THRAP3: variants seen among roughly 807,000 people sequenced by gnomAD.
THRAP3 encodes the protein thyroid hormone receptor-associated protein 3.
THRAP3 carries 16 observed loss-of-function variants against 101.0 expected under a neutral mutation model. The ratio of observed to expected loss-of-function variants is 0.16; its 90% CI spans 0.11 to 0.24. THRAP3 has a LOEUF of 0.24. THRAP3 is among the 10% of genes least tolerant of loss of function. The pLI is 1.00. For missense variants in THRAP3, 989 were observed against 1,202.7 expected, an observed-to-expected ratio of 0.82 and a Z score of 2.63; for synonymous variants, 407 against 422.6, an observed-to-expected ratio of 0.96 and a Z score of 0.45.
chr1:36,239,622 G>T (rs984363803), intron 1 of THRAP3, among the ~76,000 whole-genome samples: 11 of 152,140 alleles, frequency 7.2e-5, no homozygotes, highest in African/African-American at 2.4e-4. Flanking sequence ...CTGGTTCTGG[G>T]TAGGTTAATC....
chr1:36,259,404 T>C lies in THRAP3; in HGVS notation c.-112T>C. ...CAGAAGTGTATGCTGACTTGTAAAG[T>C]GAAGAAGCCAGTGGTGCTGCGGGTG... On this transcript the variant is annotated 5_prime_UTR_variant, in exon 2 of 12. Coordinates refer to ENST00000354618, the MANE Select transcript of THRAP3 (RefSeq NM_005119.4). The C allele has an allele frequency of 2.5e-6, 1 of 398,634 alleles. No individual in the cohort carries two copies. The highest frequency in any genetic ancestry group is 4.4e-6 in the Non-Finnish European group (1 of 226,062). 24.7% of individuals were successfully genotyped at this position (398,634 alleles called of 1,614,324 possible).
intron 3 of THRAP3, among the ~76,000 whole-genome samples, chr1:36,285,327 A>G (rs915042219): frequency 7.9e-5 from 12 of 152,232 alleles, no homozygotes; most frequent in Admixed American, 2.0e-4. Flanking sequence ...GTTAATGTCA[A>G]TGATCTATAT....
At chr1:36,256,195 ATTATTATTATTATTG>A (rs1019556413) in intron 1 of THRAP3, among the ~76,000 whole-genome samples, 1 of 114,104 alleles carries the variant, frequency 8.8e-6, no homozygotes, top group Non-Finnish European at 2.0e-5. Context: ...CTGGATTATT[ATTATTATTATTATTG>A]TTATTATTGT....
chr1:36,225,123 T>A (rs568883009), intron 1 of THRAP3: 1 of 152,382 alleles, frequency 6.6e-6, no homozygotes, highest in African/African-American at 2.4e-5. Context: ...TTGCTTCTCT[T>A]AGCACCTAAG....
In THRAP3 at chr1:36,293,740, CG is replaced by C. The variant is rs1185438749; in HGVS notation, c.2031-110del. 4.4e-5 allele frequency: 36 copies of C among 827,022 alleles called. 1 individual carries two copies. The African/African-American group carries it at 5.8e-4, about 13-fold the overall frequency. The allele number at this position is 827,022 out of a possible 1,614,324, so 51.2% of individuals were successfully genotyped here. A position where few individuals can be genotyped will look rare whatever the true frequency, so the allele number is the denominator to read the frequency against. On this transcript the variant is annotated intron_variant, in intron 7 of 11. Transcript: ENST00000354618. ...AGTAATAGATACATAAGTCATGAAA[CG>C]TAAGGAAAAATAATGCCTGTGAATC...
At chr1:36,293,390 A>G (rs1425225363) in intron 7 of THRAP3, among the ~76,000 whole-genome samples, 1 of 152,160 alleles carries the variant, frequency 6.6e-6, no homozygotes, top group Non-Finnish European at 1.5e-5. Context: ...AATCATGGGT[A>G]GTTGGATTCT....
At chr1:36,238,392 T>G (rs1207677221) in intron 1 of THRAP3, among the ~76,000 whole-genome samples, 1 of 152,238 alleles carries the variant, frequency 6.6e-6, no homozygotes, top group African/African-American at 2.4e-5. Flanking sequence ...AATGGAAATA[T>G]GTGGTATGAA....
rs1645866317 is a variant in THRAP3 at position 36,291,401 on chromosome 1, C to T, written c.1773C>T (p.Arg591=). The change falls in exon 6 of 12, where the codon CGC becomes CGT. Residue 591 remains arginine, a synonymous_variant. Coordinates refer to ENST00000354618, the MANE Select transcript of THRAP3 (RefSeq NM_005119.4). ...CCAGTGGCTTATTGGCTCAGGAACG[C>T]AAGCTTTGCCGAGATCTAGTCCATA... ...ARPSGLLAQE[R]KLCRDLVHSN... The T allele has an allele frequency of 1.2e-6, 2 of 1,614,024 alleles. No homozygotes were observed. Among genetic ancestry groups the T allele is most frequent in the African/African-American group, 1.3e-5 (1 of 75,068 alleles).
chr1:36,282,848 G>A (rs1645752195), intron 3 of THRAP3, 148 bp downstream of exon 3: 1 of 782,016 alleles, frequency 1.3e-6, no homozygotes, highest in Non-Finnish European at 2.0e-6. Context: ...GATATTCCAG[G>A]TCTCTTTAAA....
the THRAP3 span, among the ~76,000 whole-genome samples, chr1:36,214,042 GAAAGA>G: frequency 7.4e-6 from 1 of 135,618 alleles, no homozygotes; most frequent in Non-Finnish European, 1.6e-5. Context: ...AAGAAAGAAA[GAAAGA>G]AAGAAAGAAA....
At chr1:36,276,247 T>A (rs1055468748) in intron 2 of THRAP3, among the ~76,000 whole-genome samples, 1 of 149,242 alleles carries the variant, frequency 6.7e-6, no homozygotes, top group African/African-American at 2.5e-5. Context: ...GCTTCAAGGC[T>A]GGGTGTGGTG....
At chr1:36,219,816 A>G (rs1195204316), upstream of THRAP3, among the ~76,000 whole-genome samples, 2 of 152,170 alleles carry the variant, frequency 1.3e-5, no homozygotes, top group African/African-American at 4.8e-5. Flanking sequence ...GCAGAAGTCA[A>G]TGCCTGGCTT....
chr1:36,298,400 C>CTT (rs1476183045), intron 9 of THRAP3, among the ~76,000 whole-genome samples: 4 of 152,184 alleles, frequency 2.6e-5, no homozygotes, highest in African/African-American at 9.7e-5. Context: ...ATTACTAACT[C>CTT]TGATTTCCTC....
intron 1 of THRAP3, among the ~76,000 whole-genome samples, chr1:36,226,538 C>T (rs1644964366): frequency 1.3e-5 from 2 of 152,134 alleles, no homozygotes; most frequent in South Asian, 2.1e-4. Flanking sequence ...GGATTACAGG[C>T]GTAAGCCACC....
intron 1 of THRAP3, among the ~76,000 whole-genome samples, chr1:36,228,646 C>T (rs923374083): frequency 3.9e-5 from 6 of 152,138 alleles, no homozygotes; most frequent in Admixed American, 3.3e-4. Context: ...TGAGCCACCA[C>T]GCACAGCCTG....
At chr1:36,271,295 T>C (rs1030747664) in intron 2 of THRAP3, among the ~76,000 whole-genome samples, 16 of 152,298 alleles carry the variant, frequency 1.1e-4, no homozygotes, top group African/African-American at 2.4e-4. Context: ...AATTTTTTTT[T>C]CCCCCAAGAT....
intron 1 of THRAP3, among the ~76,000 whole-genome samples, chr1:36,237,187 G>T (rs917879408): frequency 5.3e-5 from 8 of 152,020 alleles, no homozygotes; most frequent in African/African-American, 1.9e-4. Context: ...CTAGGTAGGG[G>T]CCGGGCATGG....
chr1:36,224,132 C>A (rs954604855), upstream of THRAP3, among the ~76,000 whole-genome samples: 12 of 152,226 alleles, frequency 7.9e-5, no homozygotes, highest in African/African-American at 2.7e-4. Flanking sequence ...TCCCTCCAGG[C>A]TGGTTCCAAA....
chr1:36,214,030 GAAAGAAAGAAAGAAAGAAAGAAAGA>G, the THRAP3 span, among the ~76,000 whole-genome samples: 115 of 141,144 alleles, frequency 8.1e-4, no homozygotes, highest in African/African-American at 3.0e-3. Flanking sequence ...AAGAAAGAAA[GAAAGAAAGAAAGAAAGAAAGAAAGA>G]AAGAAAGAAA....
Sources: allele counts gnomAD v4.1 joint callset (sites outside exome capture counted in the v4.1 genomes callset), GRCh38; gene constraint gnomAD v4.1.1; transcripts MANE v1.5; gene names NCBI Gene and HGNC (gene_info 2026-07-23, HGNC 2026-07-21).